Variants in TRAPPC10 observed in about 807,000 individuals in gnomAD.
TRAPPC10 encodes the protein TRAPP 130 kDa subunit.
Under a neutral mutation model 125.5 loss-of-function variants are expected in TRAPPC10, and 23 were observed. That is an observed-to-expected ratio of 0.18 (90% CI 0.13 to 0.26). The LOEUF (loss-of-function observed/expected upper bound fraction) is 0.26. Among genes scored for constraint, TRAPPC10 ranks in the 10% least tolerant of loss-of-function variants. TRAPPC10 has a pLI of 1.00. For missense variants in TRAPPC10, 1,123 were observed against 1,308.4 expected (o/e 0.86, Z 2.19); for synonymous variants, 509 against 518.0 (o/e 0.98, Z 0.24).
At chr21:44,016,697 T>C (rs191403036) in intron 1 of TRAPPC10, among the ~76,000 whole-genome samples, 6 of 152,318 alleles carry the variant, frequency 3.9e-5, no homozygotes, top group Non-Finnish European at 8.8e-5. Context: ...CTTGCTTTGT[T>C]GCCCAGGCTG....
At position 44,087,382 on chromosome 21, in the gene TRAPPC10, G is replaced by C. The variant is rs1253932069; in HGVS notation, c.2540-317G>C. 1.3e-5 allele frequency among the ~76,000 whole-genome samples: 2 copies of C among 152,194 alleles called. No homozygotes were observed. Among genetic ancestry groups the C allele is most frequent in the Admixed American group, 6.6e-5 (1 of 15,260 alleles). ...GAAGGGGAGGACCCTGCTCCCCTGGGGTGGGGGTGGATCTGCGGATGAGCT... is the reference window on the plus strand; with the variant it reads ...GAAGGGGAGGACCCTGCTCCCCTGGCGTGGGGGTGGATCTGCGGATGAGCT... On this transcript the variant is annotated intron_variant, in intron 16 of 22. Coordinates refer to ENST00000291574, the MANE Select transcript of TRAPPC10 (RefSeq NM_003274.5). This position sits in a 1 kb window ranked among gnomAD's most constrained non-coding sequence, Gnocchi z 4.6.
rs1412474615 is a variant in TRAPPC10, at chr21:44,063,365, C to T, written c.791-173C>T. The stretch of plus-strand genomic sequence containing the variant: ...TGCCTGGGTCACGTTACCCTCAGCT[C>T]GGCTGTCAGTGCTGGGAGCCGAATG... On this transcript the variant is annotated intron_variant, in intron 6 of 22. Coordinates refer to ENST00000291574, the MANE Select transcript of TRAPPC10 (RefSeq NM_003274.5). This position sits in a 1 kb window ranked among gnomAD's most constrained non-coding sequence, Gnocchi z 4.4. Among the ~76,000 whole-genome samples, 2 of 152,130 alleles carry T rather than the reference C, an allele frequency of 1.3e-5. No homozygotes were observed. Among genetic ancestry groups the T allele is most frequent in the African/African-American group, 2.4e-5 (1 of 41,414 alleles).
chr21:44,033,687 C>A (rs1487704931), intron 2 of TRAPPC10, among the ~76,000 whole-genome samples: 1 of 151,986 alleles, frequency 6.6e-6, no homozygotes, highest in African/African-American at 2.4e-5. Flanking sequence ...ATAGTGAAAC[C>A]CCTGTCTCTG....
chr21:44,029,046 G>T (rs1460247414), intron 1 of TRAPPC10, among the ~76,000 whole-genome samples: 2 of 152,164 alleles, frequency 1.3e-5, no homozygotes, highest in Non-Finnish European at 2.9e-5. Flanking sequence ...AGCCAAGATT[G>T]AATTCTTTTG....
intron 9 of TRAPPC10, among the ~76,000 whole-genome samples, chr21:44,076,047 C>CTAAAAAAA (rs113332330): frequency 0.018 from 2,442 of 137,172 alleles, 71 homozygotes; most frequent in African/African-American, 0.057. Context: ...AAAACTCTGT[C>CTAAAAAAA]AAAAAAAAAA....
At chr21:44,041,838 T>G (rs933170310) in intron 3 of TRAPPC10, among the ~76,000 whole-genome samples, 1 of 152,142 alleles carries the variant, frequency 6.6e-6, no homozygotes, top group Non-Finnish European at 1.5e-5. Flanking sequence ...GTGATTCTTC[T>G]GCCTCAGACT....
chr21:44,064,469 G>T (rs903333632), intron 7 of TRAPPC10, among the ~76,000 whole-genome samples: 6 of 152,210 alleles, frequency 3.9e-5, no homozygotes, highest in Admixed American at 3.9e-4. Flanking sequence ...TATCTAGTCT[G>T]GTGATTCTTG....
In TRAPPC10 at chr21:44,055,809, A is replaced by G; in HGVS notation, c.594A>G (p.Leu198=). The change falls in exon 5 of 23, where the codon CTA becomes CTG. Residue 198 remains leucine (L), a synonymous_variant. Transcript: ENST00000291574. ...TTCTTATGTCTTTTACCAAAAACCT[A>G]GGCAAGTTTGAGGATGACATGAGAA... The part of the protein sequence containing the change: ...TLLLMSFTKN[L]GKFEDDMRTL... 1.2e-6 allele frequency: 2 copies of G among 1,613,970 alleles called. No individual in the cohort carries two copies. The highest frequency in any genetic ancestry group is 1.7e-6 in the Non-Finnish European group (2 of 1,179,882).
intron 4 of TRAPPC10, among the ~76,000 whole-genome samples, chr21:44,055,212 T>TA (rs1387228902): frequency 6.6e-6 from 1 of 152,196 alleles, no homozygotes; most frequent in Non-Finnish European, 1.5e-5. Context: ...CTGTAGAACT[T>TA]ACTGCTCGTG....
In TRAPPC10 at chr21:44,086,931, G is replaced by A. The variant is rs942546343; in HGVS notation, c.2510G>A (p.Ser837Asn). The change falls in exon 16 of 23, where the codon AGC becomes AAC. Residue 837 changes from serine to asparagine, a missense_variant. This residue lies in a region of TRAPPC10 where 840 missense variants were observed against 902.0 expected (regional missense o/e 0.93). Transcript: ENST00000291574. ...ATGCTCATCCTGTGCCAGGCGGAGA[G>A]CAGGGCTGTGGTCTACTCCAACACG... ...EAMLILCQAE[S>N]RAVVYSNTRE... 4 of 1,614,178 alleles carry A rather than the reference G, an allele frequency of 2.5e-6. No homozygotes were observed. Among genetic ancestry groups the A allele is most frequent in the Non-Finnish European group, 3.4e-6 (4 of 1,180,030 alleles).
At chr21:44,034,493 G>A (rs1174680580) in intron 2 of TRAPPC10, among the ~76,000 whole-genome samples, 2 of 152,186 alleles carry the variant, frequency 1.3e-5, no homozygotes, top group Non-Finnish European at 2.9e-5. Flanking sequence ...CTCCGCTCCG[G>A]GAACTCTGTA....
chr21:44,016,803 C>T (rs1402833749), intron 1 of TRAPPC10, among the ~76,000 whole-genome samples: 5 of 152,186 alleles, frequency 3.3e-5, no homozygotes, highest in Admixed American at 6.5e-5. Context: ...GGACTACAGG[C>T]GCCCGCCACC....
At position 44,091,917 on chromosome 21, in the gene TRAPPC10, C is replaced by T. The variant is rs751292991; in HGVS notation, c.2871-6C>T. ...CAAAATAATACTTTTTGTTTTTCCACTTTAGGAAATATGTTCAAGTTTGTG... is the reference window on the plus strand; with the variant it reads ...CAAAATAATACTTTTTGTTTTTCCATTTTAGGAAATATGTTCAAGTTTGTG... On this transcript the variant is annotated splice_polypyrimidine_tract_variant and splice_region_variant and intron_variant, in intron 18 of 22. Coordinates refer to ENST00000291574, the MANE Select transcript of TRAPPC10 (RefSeq NM_003274.5). 19 of 1,612,838 alleles carry T rather than the reference C, an allele frequency of 1.2e-5. No individual in the cohort carries two copies. In the East Asian group the frequency reaches 3.6e-4, roughly 30 times the overall value.
intron 13 of TRAPPC10, among the ~76,000 whole-genome samples, chr21:44,081,408 C>T (rs2037728434): frequency 6.6e-6 from 1 of 152,122 alleles, no homozygotes; most frequent in Non-Finnish European, 1.5e-5. Context: ...ATCTACACAC[C>T]TCGGTCTCCC....
chr21:44,014,885 G>C (rs1281857819), intron 1 of TRAPPC10, among the ~76,000 whole-genome samples: 1 of 152,148 alleles, frequency 6.6e-6, no homozygotes, highest in Non-Finnish European at 1.5e-5. Flanking sequence ...GTAAAAAGCT[G>C]ACTTCATACT....
chr21:44,024,086 A>G (rs997880248), intron 1 of TRAPPC10, among the ~76,000 whole-genome samples: 1 of 152,230 alleles, frequency 6.6e-6, no homozygotes, highest in East Asian at 1.9e-4. Context: ...GCACCAGCCT[A>G]GGAATTGTTC....
chr21:44,034,464 G>A (rs181437849), intron 2 of TRAPPC10, among the ~76,000 whole-genome samples: 21 of 152,082 alleles, frequency 1.4e-4, no homozygotes, highest in Admixed American at 1.2e-3. Flanking sequence ...AGCCGGCCTA[G>A]GTTCTGAACA....
At chr21:44,086,775 G>C in intron 15 of TRAPPC10, 27 bp from the exon 16 acceptor site, 1 of 1,612,256 alleles carries the variant, frequency 6.2e-7, no homozygotes. Context: ...TGGCAGCGGT[G>C]CTGAGCCACG....
At position 44,066,950 on chromosome 21, in the gene TRAPPC10, A is replaced by C. The variant is rs74803461; in HGVS notation, c.1038+3165A>C. Among the ~76,000 whole-genome samples, 17 of 152,360 alleles carry C rather than the reference A, an allele frequency of 1.1e-4. No individual in the cohort carries two copies. The East Asian group carries it at 3.3e-3, about 29-fold the overall frequency. ...ATGATACTTATATATTTTGTCGCCA[A>C]ATTAGAAGAACGGGGAAGATACTTT... On this transcript the variant is annotated intron_variant, in intron 7 of 22. Coordinates refer to ENST00000291574, the MANE Select transcript of TRAPPC10 (RefSeq NM_003274.5).
Sources: allele counts gnomAD v4.1 joint callset (sites outside exome capture counted in the v4.1 genomes callset), GRCh38; gene constraint gnomAD v4.1.1; regional missense constraint gnomAD v4.1.1; non-coding constraint Gnocchi (gnomAD v3.1); transcripts MANE v1.5; gene names NCBI Gene and HGNC (gene_info 2026-07-23, HGNC 2026-07-21).